VWC2: variants seen among roughly 807,000 people sequenced by gnomAD.
The protein encoded by VWC2 is brorin.
In VWC2, 14 loss-of-function variants were observed where a neutral mutation model predicts 29.8. That is an observed-to-expected ratio of 0.47 (90% CI 0.31 to 0.74). VWC2 has a LOEUF of 0.74. Ranked by LOEUF, VWC2 falls within the 30% of genes least tolerant of loss-of-function variation. The pLI, the probability that VWC2 is intolerant of heterozygous loss-of-function variation, is 0.05. For synonymous variants in VWC2, 213 were observed against 199.0 expected (o/e 1.07, Z -0.59); for missense variants, 457 against 459.8 (o/e 0.99, Z 0.05).
intron 3 of VWC2, among the ~76,000 whole-genome samples, chr7:49,849,125 C>T (rs563022412): frequency 6.6e-6 from 1 of 152,270 alleles, no homozygotes; most frequent in East Asian, 1.9e-4. Context: ...CAGAGTTTGA[C>T]TTACATATCC....
chr7:49,852,554 G>T (rs1790223453), intron 3 of VWC2, among the ~76,000 whole-genome samples: 2 of 152,056 alleles, frequency 1.3e-5, no homozygotes, highest in South Asian at 4.2e-4. Context: ...CATACCTGGG[G>T]ATAATGCTAT....
chr7:49,921,962 C>G (rs1794038513), downstream of VWC2: 1 of 151,978 alleles, frequency 6.6e-6, no homozygotes, highest in Non-Finnish European at 1.5e-5. Flanking sequence ...TTTTGCACTT[C>G]CAGGTAGAGT....
At chr7:49,872,681 G>A (rs1405487078) in intron 3 of VWC2, among the ~76,000 whole-genome samples, 1 of 150,724 alleles carries the variant, frequency 6.6e-6, no homozygotes, top group Non-Finnish European at 1.5e-5. Context: ...CAAGGTGGGC[G>A]GATCACCTGA....
intron 2 of VWC2, among the ~76,000 whole-genome samples, chr7:49,792,893 C>T (rs1241218812): frequency 6.6e-6 from 1 of 152,196 alleles, no homozygotes; most frequent in Non-Finnish European, 1.5e-5. Context: ...CCTGAGGCTA[C>T]AGGGCACGCT....
chr7:49,781,627 C>T (rs1001656012), intron 2 of VWC2, among the ~76,000 whole-genome samples: 2 of 152,092 alleles, frequency 1.3e-5, no homozygotes, highest in African/African-American at 4.8e-5. Context: ...GAAGATCGTG[C>T]ATAGTGTCTT....
At chr7:49,779,117 G>T (rs1350862282) in intron 2 of VWC2, among the ~76,000 whole-genome samples, 1 of 152,160 alleles carries the variant, frequency 6.6e-6, no homozygotes, top group Admixed American at 6.5e-5. Context: ...GACCCTCTTT[G>T]AGCAGTAGAT....
intron 3 of VWC2, among the ~76,000 whole-genome samples, chr7:49,906,616 G>A (rs182524486): frequency 3.7e-4 from 56 of 152,266 alleles, no homozygotes; most frequent in Middle Eastern, 3.4e-3. Flanking sequence ...GATTACAGGC[G>A]TGAGCCACCG....
intron 2 of VWC2, among the ~76,000 whole-genome samples, chr7:49,799,286 A>T (rs76292839): frequency 6.6e-6 from 1 of 152,256 alleles, no homozygotes; most frequent in African/African-American, 2.4e-5. Flanking sequence ...CGCCTGCAGG[A>T]GATGGGAACA....
At chr7:49,877,475 AAAAAAAAT>A (rs1469398291) in intron 3 of VWC2, among the ~76,000 whole-genome samples, 1 of 17,992 alleles carries the variant, frequency 5.6e-5, no homozygotes, top group East Asian at 2.2e-3. Flanking sequence ...AAAAAAAAAA[AAAAAAAAT>A]ATATATATAT....
chr7:49,795,051 G>A (rs564518128), intron 2 of VWC2, among the ~76,000 whole-genome samples: 14 of 152,226 alleles, frequency 9.2e-5, no homozygotes, highest in African/African-American at 1.9e-4. Flanking sequence ...TGAGTGACTC[G>A]TGTATTTCTT....
intron 3 of VWC2, among the ~76,000 whole-genome samples, chr7:49,809,422 G>A (rs1463577647): frequency 6.6e-6 from 1 of 151,922 alleles, no homozygotes; most frequent in Non-Finnish European, 1.5e-5. Flanking sequence ...CTTTACTGGT[G>A]AATTCTTTCA....
chr7:49,829,992 C>T (rs1789489009), intron 3 of VWC2, among the ~76,000 whole-genome samples: 1 of 152,186 alleles, frequency 6.6e-6, no homozygotes, highest in Admixed American at 6.5e-5. Context: ...TCTATTGCTG[C>T]TTAGGAAGAT....
chr7:49,838,636 C>G (rs543467163), intron 3 of VWC2, among the ~76,000 whole-genome samples: 13 of 152,038 alleles, frequency 8.6e-5, no homozygotes, highest in Non-Finnish European at 1.6e-4. Context: ...TAGAACGTGG[C>G]TCCGTACAAG....
At chr7:49,860,783 C>G (rs971857055) in intron 3 of VWC2, among the ~76,000 whole-genome samples, 1 of 152,154 alleles carries the variant, frequency 6.6e-6, no homozygotes, top group Non-Finnish European at 1.5e-5. Flanking sequence ...AGGCCTTAAT[C>G]TAATAGGGTT....
chr7:49,919,661 T>C lies in VWC2; in HGVS notation c.*7476T>C, dbSNP rs916038671. ...AAATCTGTAGTTTCAAGGTGTATGC[T>C]ATTTCTTAAAACAAAAACAAAGATT... On this transcript the variant is annotated 3_prime_UTR_variant, in exon 4 of 4. Transcript: ENST00000340652. 8 of 152,244 alleles carry C rather than the reference T, an allele frequency of 5.3e-5. No individual in the cohort carries two copies. Among genetic ancestry groups the C allele is most frequent in the Admixed American group, 5.2e-4 (8 of 15,272 alleles). The allele number at this position is 152,244 out of a possible 1,614,324, so 9.4% of individuals were successfully genotyped here.
At chr7:49,878,080 G>A (rs78781050) in intron 3 of VWC2, among the ~76,000 whole-genome samples, 5,045 of 152,130 alleles carry the variant, frequency 0.033, 221 homozygotes, top group South Asian at 0.13. Flanking sequence ...GACCGCTCCA[G>A]CTGTTGCAGT....
At chr7:49,853,120 G>A (rs573001409) in intron 3 of VWC2, among the ~76,000 whole-genome samples, 4 of 152,354 alleles carry the variant, frequency 2.6e-5, no homozygotes, top group African/African-American at 9.6e-5. Flanking sequence ...CAGGCTATGG[G>A]GCAGGGCTGC....
chr7:49,821,701 T>A (rs1056522640), intron 3 of VWC2, among the ~76,000 whole-genome samples: 1 of 152,028 alleles, frequency 6.6e-6, no homozygotes, highest in Non-Finnish European at 1.5e-5. Flanking sequence ...ATTCTGTGAG[T>A]TAAAACATCT....
At chr7:49,897,341 G>GA (rs1238206099) in intron 3 of VWC2, among the ~76,000 whole-genome samples, 1 of 152,012 alleles carries the variant, frequency 6.6e-6, no homozygotes, top group Non-Finnish European at 1.5e-5. Flanking sequence ...CAAAGACAGT[G>GA]AAAAAAATAC....
Sources: allele counts gnomAD v4.1 joint callset (sites outside exome capture counted in the v4.1 genomes callset), GRCh38; gene constraint gnomAD v4.1.1; transcripts MANE v1.5; gene names NCBI Gene and HGNC (gene_info 2026-07-23, HGNC 2026-07-21).